The following ARHGEF37 variants were observed in gnomAD, a reference collection of about 807,000 sequenced individuals.
The protein encoded by ARHGEF37 is Rho guanine nucleotide exchange factor (GEF) 37.
Under a neutral mutation model 71.1 loss-of-function variants are expected in ARHGEF37, and 55 were observed. The observed-to-expected ratio is 0.77, with a 90% CI of 0.62 to 0.97. ARHGEF37 has a LOEUF of 0.97. Among genes scored for constraint, ARHGEF37 ranks in the 50% least tolerant of loss-of-function variants. ARHGEF37 has a pLI of 0.00. For missense variants in ARHGEF37, 765 were observed against 836.8 expected (o/e 0.91, Z 1.06); for synonymous variants, 327 against 350.6 (o/e 0.93, Z 0.75).
In ARHGEF37 at chr5:149,553,373, C is replaced by G. The variant is rs188806152; in HGVS notation, c.-12+1250C>G. ...CGAGATCGTGCCACTGCACTCCAGC[C>G]TGGAGACAGAGCGAGACTCCACTCC... On this transcript the variant is annotated intron_variant, in intron 1 of 2. Transcript: ENST00000505810. 9.9e-4 allele frequency among the ~76,000 whole-genome samples: 150 copies of G among 152,040 alleles called. 1 individual carries two copies. The highest frequency in any genetic ancestry group is 3.5e-3 in the African/African-American group (147 of 41,444).
chr5:149,619,069 G>A, intron 7 of ARHGEF37, 27 bp downstream of exon 7: 1 of 1,591,220 alleles, frequency 6.3e-7, no homozygotes, highest in South Asian at 1.1e-5. Context: ...GTTCATAAAG[G>A]GCGAGTCTGG....
rs372369530 is a variant in ARHGEF37 at position 149,571,898 on chromosome 5, C to T, written c.-12+19775C>T. Reference sequence around the variant, plus strand: ...CTCAGTCTGGGTGACAGAGTGAGACCCTGTCTCAAAAAAAAAAAAAAAAAA... The same window carrying T: ...CTCAGTCTGGGTGACAGAGTGAGACTCTGTCTCAAAAAAAAAAAAAAAAAA... On this transcript the variant is annotated intron_variant, in intron 1 of 2. Coordinates refer to the ARHGEF37 transcript ENST00000505810. Among the ~76,000 whole-genome samples the T allele has an allele frequency of 4.9e-3, 525 of 107,760 alleles. 4 individuals are homozygous for T. Among genetic ancestry groups the T allele is most frequent in the African/African-American group, 0.02 (497 of 25,258 alleles). 70.7% of individuals were successfully genotyped at this position (107,760 alleles called of 152,430 possible).
rs1425536096 is a variant in ARHGEF37, at chr5:149,618,945, A to G, written c.797A>G (p.Asp266Gly). 2 of 1,613,606 alleles carry G rather than the reference A, an allele frequency of 1.2e-6. No homozygotes were observed. Among genetic ancestry groups the G allele is most frequent in the Admixed American group, 3.3e-5 (2 of 60,026 alleles). ...CACACACATTACTTTCAGACAGAAG[A>G]CAAGGAATTTGATGATTTAGAAGAG... is the stretch of plus-strand genomic sequence containing the variant. ...QEAGLIPRTE[D>G]KEFDDLEERF... The change falls in exon 7 of 13, where the codon GAC becomes GGC. Residue 266 changes from aspartate to glycine, a missense_variant. Physicochemically the swap from Asp to Gly is moderately conservative, Grantham distance 94. This residue lies in a region of ARHGEF37 where 167 missense variants were observed against 173.3 expected (regional missense o/e 0.96). Transcript: ENST00000333677.
At chr5:149,627,007 C>T in intron 10 of ARHGEF37, 69 bp from the exon 11 acceptor site, 4 of 1,496,990 alleles carry the variant, frequency 2.7e-6, no homozygotes, top group Non-Finnish European at 3.6e-6. Context: ...AAAATGTGAG[C>T]AAATGTTGGT....
intron 6 of ARHGEF37, among the ~76,000 whole-genome samples, 191 bp from the exon 7 acceptor site, chr5:149,618,734 CTGGGGCTCATGCT>C (rs1384782457): frequency 6.6e-6 from 1 of 152,200 alleles, no homozygotes; most frequent in Non-Finnish European, 1.5e-5. Context: ...AGCCAATGAA[CTGGGGCTCATGCT>C]TGTGTATCCG....
In ARHGEF37 at chr5:149,612,324, C is replaced by T. The variant is rs185329103; in HGVS notation, c.458+2629C>T. 5.8e-4 allele frequency among the ~76,000 whole-genome samples: 89 copies of T among 152,268 alleles called. 2 individuals are homozygous for T. Among genetic ancestry groups the T allele is most frequent in the Middle Eastern group, 3.4e-3 (1 of 294 alleles). ...CTGGGACTACAGGCGCCGGCCACCA[C>T]GCCCGGCTAATTTTTTGTATTTTTA... On this transcript the variant is annotated intron_variant, in intron 4 of 12. Transcript: ENST00000333677.
chr5:149,570,793 T>G (rs1488542025), intron 1 of ARHGEF37, among the ~76,000 whole-genome samples: 3 of 151,244 alleles, frequency 2.0e-5, no homozygotes, highest in Non-Finnish European at 2.9e-5. Context: ...GAAGAATCGC[T>G]TGAACCCGGG....
intron 8 of ARHGEF37, among the ~76,000 whole-genome samples, chr5:149,621,497 A>T (rs189287911): frequency 6.6e-6 from 1 of 152,180 alleles, no homozygotes; most frequent in Non-Finnish European, 1.5e-5. Flanking sequence ...AAAGTGCTAT[A>T]TAAGATTGAA....
chr5:149,601,436 A>T (rs2113319221), intron 3 of ARHGEF37, among the ~76,000 whole-genome samples: 1 of 152,314 alleles, frequency 6.6e-6, no homozygotes, highest in East Asian at 1.9e-4. Flanking sequence ...ACAGAGACCG[A>T]GCCCCAGAGA....
intron 4 of ARHGEF37, among the ~76,000 whole-genome samples, chr5:149,610,535 C>T (rs966542986): frequency 6.6e-6 from 1 of 152,100 alleles, no homozygotes; most frequent in Admixed American, 6.6e-5. Flanking sequence ...AAAATATCTA[C>T]AGTGCTGGGA....
intron 6 of ARHGEF37, 135 bp from the exon 7 acceptor site, chr5:149,618,803 A>T (rs1752451165): frequency 1.4e-6 from 1 of 718,224 alleles, no homozygotes; most frequent in Non-Finnish European, 2.5e-6. Context: ...CCACCCTCTC[A>T]GCTTTGGGGT....
chr5:149,597,810 G>T lies in ARHGEF37; in HGVS notation c.41G>T (p.Gly14Val), dbSNP rs1206309406. The change falls in exon 2 of 13, where the codon GGG becomes GTG. Residue 14 changes from glycine (G) to valine (V), a missense_variant. Physicochemically the swap from Gly to Val is moderately radical, Grantham distance 109. Around this residue, in one of 5 missense-constraint regions of ARHGEF37, gnomAD observed 201 missense variants for 217.5 expected, o/e 0.92. Transcript: ENST00000333677. ...HGADEPSSRSGSPDREGRASE... is the reference protein window; with the variant it reads ...HGADEPSSRSVSPDREGRASE... ...GCCGACGAGCCATCCTCCAGGTCAG[G>T]GAGTCCGGACAGGGAAGGTAGGGCC... 1.3e-6 allele frequency: 2 copies of T among 1,586,072 alleles called. No individual in the cohort carries two copies. The highest frequency in any genetic ancestry group is 1.7e-6 in the Non-Finnish European group (2 of 1,167,956).
chr5:149,581,154 G>A (rs568600904), upstream of ARHGEF37, among the ~76,000 whole-genome samples: 2 of 152,330 alleles, frequency 1.3e-5, no homozygotes, highest in South Asian at 4.1e-4. Context: ...GGTGATTCGG[G>A]CAGGAGCAAA....
At chr5:149,620,708 G>A (rs1021373753) in intron 8 of ARHGEF37, among the ~76,000 whole-genome samples, 1 of 152,018 alleles carries the variant, frequency 6.6e-6, no homozygotes, top group African/African-American at 2.4e-5. Context: ...GTGTGCACCT[G>A]TAGTCCCAGC....
chr5:149,615,962 C>G (rs575640919), intron 4 of ARHGEF37, among the ~76,000 whole-genome samples: 3 of 152,196 alleles, frequency 2.0e-5, no homozygotes, highest in African/African-American at 7.2e-5. Flanking sequence ...AATAAGATAT[C>G]ATGTGGATAC....
chr5:149,604,901 G>A (rs2113329352), intron 3 of ARHGEF37, among the ~76,000 whole-genome samples: 1 of 151,368 alleles, frequency 6.6e-6, no homozygotes, highest in South Asian at 2.1e-4. Flanking sequence ...CAGGCTGGTT[G>A]CAAACTCTTG....
rs1325082909 is a variant in ARHGEF37, at chr5:149,634,415, G to C, written c.*2224G>C. The C allele has an allele frequency of 6.6e-6, 1 of 152,528 alleles. No individual in the cohort carries two copies. Among genetic ancestry groups the C allele is most frequent in the Non-Finnish European group, 1.5e-5 (1 of 68,040 alleles). 9.4% of individuals were successfully genotyped at this position (152,528 alleles called of 1,614,324 possible). ...GTATATTTATTAAGTGCCATTAAAA[G>C]GGACCTGAACAAAATTGGATGTCTT... On this transcript the variant is annotated 3_prime_UTR_variant, in exon 13 of 13. Coordinates refer to ENST00000333677, the MANE Select transcript of ARHGEF37 (RefSeq NM_001001669.3).
intron 1 of ARHGEF37, among the ~76,000 whole-genome samples, chr5:149,562,676 G>C (rs1762848778): frequency 6.6e-6 from 1 of 152,122 alleles, no homozygotes; most frequent in Non-Finnish European, 1.5e-5. Flanking sequence ...TTGATCTCCT[G>C]ACCTCGTGAT....
intron 9 of ARHGEF37, 98 bp downstream of exon 9, chr5:149,622,160 A>G: frequency 7.9e-7 from 1 of 1,269,042 alleles, no homozygotes; most frequent in South Asian, 1.5e-5. Context: ...TGGAGGGAGG[A>G]TGGGCCTGAA....
Sources: allele counts gnomAD v4.1 joint callset (sites outside exome capture counted in the v4.1 genomes callset), GRCh38; gene constraint gnomAD v4.1.1; regional missense constraint gnomAD v4.1.1; transcripts MANE v1.5; gene names NCBI Gene and HGNC (gene_info 2026-07-23, HGNC 2026-07-21).